TENM2: variants seen among roughly 807,000 people sequenced by gnomAD.
The protein encoded by TENM2 is teneurin transmembrane protein 2, also known as teneurin-2.
TENM2 carries 52 observed loss-of-function variants against 245.2 expected under a neutral mutation model. The ratio of observed to expected loss-of-function variants is 0.21; its 90% CI spans 0.17 to 0.27. TENM2 has a LOEUF of 0.27. Ranked by LOEUF, TENM2 falls within the 10% of genes least tolerant of loss-of-function variation. TENM2 has a pLI of 1.00. For synonymous variants in TENM2, 1,363 were observed against 1,438.9 expected (o/e 0.95, Z 1.19); for missense variants, 3,046 against 3,666.8 (o/e 0.83, Z 4.37).
At chr5:166,979,460 A>G in the TENM2 span, among the ~76,000 whole-genome samples, 31 of 152,120 alleles carry the variant, frequency 2.0e-4, no homozygotes, top group Non-Finnish European at 3.4e-4. Flanking sequence ...CTGGGACCGA[A>G]GACTCTAGGC....
intron 3 of TENM2, among the ~76,000 whole-genome samples, chr5:167,931,961 G>A (rs1326373259): frequency 1.3e-5 from 2 of 152,234 alleles, no homozygotes; most frequent in African/African-American, 4.8e-5. Flanking sequence ...AAAGATAGCA[G>A]TGTGACATTT....
intron 8 of TENM2, among the ~76,000 whole-genome samples, chr5:168,095,681 C>A (rs1271668751): frequency 1.3e-5 from 2 of 152,074 alleles, no homozygotes; most frequent in Non-Finnish European, 1.5e-5. Flanking sequence ...ATCTCCAATG[C>A]CTTGTTATAT....
chr5:167,596,377 C>T (rs142480225), intron 2 of TENM2, among the ~76,000 whole-genome samples: 15 of 152,160 alleles, frequency 9.9e-5, no homozygotes, highest in African/African-American at 3.4e-4. Context: ...GACTGTCCCC[C>T]CCAAGGACCT....
At chr5:167,864,165 A>G (rs746576362) in intron 2 of TENM2, among the ~76,000 whole-genome samples, 3 of 152,186 alleles carry the variant, frequency 2.0e-5, no homozygotes, top group East Asian at 1.9e-4. Context: ...CCTAGAGTGC[A>G]TGTTTTATCT....
At chr5:167,289,613 G>A (rs1410142415) in intron 1 of TENM2, among the ~76,000 whole-genome samples, 1 of 152,122 alleles carries the variant, frequency 6.6e-6, no homozygotes, top group Non-Finnish European at 1.5e-5. Flanking sequence ...GCTAGGTTTG[G>A]TTTTGGTACT....
chr5:167,818,386 G>C (rs1019958751), intron 2 of TENM2, among the ~76,000 whole-genome samples: 4 of 152,142 alleles, frequency 2.6e-5, no homozygotes, highest in Admixed American at 2.6e-4. Flanking sequence ...TGTAAGTTTT[G>C]TGCCATTTAA....
chr5:167,582,058 A>T (rs183631230), intron 2 of TENM2, among the ~76,000 whole-genome samples: 1 of 151,778 alleles, frequency 6.6e-6, no homozygotes, highest in East Asian at 1.9e-4. Context: ...AGATTCTCAT[A>T]TAATATAATC....
intron 2 of TENM2, among the ~76,000 whole-genome samples, chr5:167,699,848 A>G (rs903362149): frequency 1.3e-5 from 2 of 152,230 alleles, no homozygotes; most frequent in African/African-American, 2.4e-5. Flanking sequence ...AATCCTATGT[A>G]GTAGAAAGTA....
At chr5:167,296,336 C>T (rs953549718) in intron 1 of TENM2, 1 of 152,198 alleles carries the variant, frequency 6.6e-6, no homozygotes, top group African/African-American at 2.4e-5. Context: ...TCCACTGCCA[C>T]CTCATAATAT....
At chr5:168,076,105 A>G (rs1489509111) in intron 7 of TENM2, among the ~76,000 whole-genome samples, 1 of 152,168 alleles carries the variant, frequency 6.6e-6, no homozygotes, top group African/African-American at 2.4e-5. Context: ...TTTCAATTGT[A>G]TGTATATTCC....
chr5:167,683,418 A>C (rs1034282194), intron 2 of TENM2, among the ~76,000 whole-genome samples: 1 of 152,216 alleles, frequency 6.6e-6, no homozygotes, highest in Non-Finnish European at 1.5e-5. Context: ...TAAGAGAAGA[A>C]TACTGTCCAT....
chr5:168,232,423 T>G (rs927094694), intron 25 of TENM2: 3 of 152,124 alleles, frequency 2.0e-5, no homozygotes, highest in Non-Finnish European at 4.4e-5. Flanking sequence ...GATGTAAGAT[T>G]CTGGTGGCCC....
chr5:167,645,589 C>T (rs1455569427), intron 2 of TENM2, among the ~76,000 whole-genome samples: 74 of 136,388 alleles, frequency 5.4e-4, no homozygotes, highest in African/African-American at 1.8e-3. Context: ...CTAGTTTTTC[C>T]TTTTTTTTTT....
chr5:167,301,227 G>C (rs1755306865), intron 1 of TENM2, among the ~76,000 whole-genome samples: 1 of 152,220 alleles, frequency 6.6e-6, no homozygotes, highest in Non-Finnish European at 1.5e-5. Flanking sequence ...CTCTGGGAGT[G>C]GATGCCAGGT....
intron 3 of TENM2, among the ~76,000 whole-genome samples, chr5:167,935,104 G>A (rs1282022135): frequency 6.6e-6 from 1 of 152,170 alleles, no homozygotes; most frequent in African/African-American, 2.4e-5. Flanking sequence ...AGACAGCAAT[G>A]GGACAAGGTA....
chr5:167,173,289 C>G, the TENM2 span, among the ~76,000 whole-genome samples: 2 of 152,166 alleles, frequency 1.3e-5, no homozygotes, highest in Non-Finnish European at 2.9e-5. Flanking sequence ...TTTTCTAAAC[C>G]CCAACTTCCT....
chr5:168,198,188 C>CTTTTTT (rs35539116), intron 15 of TENM2, among the ~76,000 whole-genome samples: 20 of 95,832 alleles, frequency 2.1e-4, no homozygotes, highest in African/African-American at 3.8e-4. Context: ...CCAATGAACC[C>CTTTTTT]TTTTTTTTTT....
chr5:168,029,601 A>G (rs1020114109), intron 5 of TENM2, among the ~76,000 whole-genome samples: 1 of 152,192 alleles, frequency 6.6e-6, no homozygotes, highest in African/African-American at 2.4e-5. Flanking sequence ...TTGCTCTGCC[A>G]AACTGTGCAC....
chr5:168,262,014 T>G, intron 28 of TENM2, 35 bp from the exon 31 acceptor site: 1 of 1,595,874 alleles, frequency 6.3e-7, no homozygotes, highest in Non-Finnish European at 8.6e-7. Context: ...GCCCAGCTCA[T>G]CTTCTCAGCT....
Sources: allele counts gnomAD v4.1 joint callset (sites outside exome capture counted in the v4.1 genomes callset), GRCh38; gene constraint gnomAD v4.1.1; transcripts MANE v1.5; gene names NCBI Gene and HGNC (gene_info 2026-07-23, HGNC 2026-07-21).